ADGRG2: variants seen among roughly 807,000 people sequenced by gnomAD.
The protein encoded by ADGRG2 is G protein-coupled receptor 64.
Under a neutral mutation model 74.1 loss-of-function variants are expected in ADGRG2, and 26 were observed. That is an observed-to-expected ratio of 0.35 (90% confidence interval 0.26 to 0.49). The LOEUF is 0.49. Among genes scored for constraint, ADGRG2 ranks in the 20% least tolerant of loss-of-function variants. The pLI is 0.99. For missense variants in ADGRG2, 619 were observed against 763.1 expected (o/e 0.81, Z 2.22); for synonymous variants, 296 against 295.2 (o/e 1.00, Z -0.03).
chrX:19,090,583 A>G (rs1327747318), intron 1 of ADGRG2, among the ~76,000 whole-genome samples: 1 of 112,437 alleles, frequency 8.9e-6, no homozygotes, highest in Non-Finnish European at 1.9e-5. Context: ...TGCTAATGAC[A>G]TCAAGCCACT....
chrX:19,113,724 C>T (rs1302222353), intron 1 of ADGRG2, among the ~76,000 whole-genome samples: 1 of 111,780 alleles, frequency 8.9e-6, no homozygotes, highest in Non-Finnish European at 1.9e-5. Context: ...GTTCTTTGTA[C>T]TTTTTAAAAA....
Position 18,989,790 on chromosome X carries a change from G to A in ADGRG2, c.*1074C>T, listed in dbSNP as rs930672686. 6 of 112,384 alleles carry A rather than the reference G, an allele frequency of 5.3e-5. No homozygotes were observed. Among genetic ancestry groups the A allele is most frequent in the Non-Finnish European group, 9.4e-5 (5 of 53,200 alleles). The allele number at this position is 112,384 out of a possible 1,213,427, so 9.3% of individuals were successfully genotyped here. ...ATGTACCATGCAGTTGCCTTTTAAA[G>A]AACGGCAATATGATTTTTTTCCATA... On this transcript the variant is annotated 3_prime_UTR_variant, in exon 29 of 29. Transcript: ENST00000379869.
chrX:19,009,619 G>A lies in ADGRG2; in HGVS notation c.1422+7C>T, dbSNP rs889467291. 3.3e-6 allele frequency: 4 copies of A among 1,198,115 alleles called. No homozygotes were observed. In the East Asian group the frequency reaches 1.2e-4, roughly 35 times the overall value. On this transcript the variant is annotated splice_region_variant and intron_variant, in intron 18 of 28. Transcript: ENST00000379869. ...AATGTTTTTTTCTGCCATCAATTAT[G>A]ATGTACCTGAAGATTTGCAGGGTCT...
rs933833164 is a variant in ADGRG2, at chrX:19,010,698, C to G, written c.1180G>C (p.Glu394Gln). The G allele has an allele frequency of 4.2e-6, 5 of 1,201,573 alleles. No homozygotes were observed. Among genetic ancestry groups the G allele is most frequent in the Non-Finnish European group, 5.6e-6 (5 of 888,048 alleles). Residue 394 changes from glutamate to glutamine, a missense_variant, in exon 17 of 29, where the codon GAG becomes CAG. Transcript: ENST00000379869. ...ATCATTTCTCCTGCGAGGTTAGGCT[C>G]CAGGCTGCCCAAGGACAGAGCCTTC... is the stretch of plus-strand genomic sequence containing the variant. ...MEKALSLGSL[E>Q]PNLAGEMINQ... is the part of the protein sequence containing the mutation.
At chrX:19,077,184 T>C (rs963779767) in intron 2 of ADGRG2, among the ~76,000 whole-genome samples, 5 of 108,750 alleles carry the variant, frequency 4.6e-5, no homozygotes, top group African/African-American at 1.0e-4. Flanking sequence ...TTAGGAAAAA[T>C]AGAAAGTAAT....
intron 1 of ADGRG2, among the ~76,000 whole-genome samples, chrX:19,113,080 T>C (rs1343721127): frequency 1.9e-5 from 2 of 103,705 alleles, no homozygotes; most frequent in African/African-American, 7.1e-5. Flanking sequence ...GACAACTAGA[T>C]GCAACAACTC....
chrX:19,104,247 T>C (rs1238512809), intron 1 of ADGRG2, among the ~76,000 whole-genome samples: 2 of 107,806 alleles, frequency 1.9e-5, no homozygotes, highest in Admixed American at 2.0e-4. Context: ...TGGAAGGGAG[T>C]TGGCTGCAGC....
chrX:19,077,337 A>C, intron 2 of ADGRG2, among the ~76,000 whole-genome samples: 1 of 58,972 alleles, frequency 1.7e-5, no homozygotes, highest in African/African-American at 6.7e-5. Context: ...TCTCTACTAA[A>C]AAAAAAAAAA....
chrX:19,019,087 C>T (rs1298863187), intron 15 of ADGRG2, among the ~76,000 whole-genome samples: 5 of 111,990 alleles, frequency 4.5e-5, no homozygotes, highest in South Asian at 3.7e-4. Context: ...CCTCGTGATC[C>T]GCCCACCTTG....
intron 3 of ADGRG2, among the ~76,000 whole-genome samples, chrX:19,066,657 T>A (rs760702761): frequency 9.2e-6 from 1 of 109,094 alleles, no homozygotes; most frequent in African/African-American, 3.3e-5. Flanking sequence ...AGAGACGGGG[T>A]CTCACTATGT....
chrX:19,050,476 G>A (rs751490329), intron 3 of ADGRG2, among the ~76,000 whole-genome samples: 9 of 111,870 alleles, frequency 8.0e-5, no homozygotes, highest in African/African-American at 1.6e-4. Context: ...ACAGGGGCAC[G>A]AAAAGCAATG....
At chrX:19,002,483 G>A (rs768801942) in intron 24 of ADGRG2, among the ~76,000 whole-genome samples, 1 of 111,969 alleles carries the variant, frequency 8.9e-6, no homozygotes, top group Non-Finnish European at 1.9e-5. Flanking sequence ...CTCAGGGACT[G>A]AGAGTTTGGG....
In ADGRG2 at chrX:19,003,051, C is replaced by T; in HGVS notation, c.2025G>A (p.Leu675=). The T allele has an allele frequency of 1.7e-6, 2 of 1,198,895 alleles. No individual in the cohort carries two copies. Among genetic ancestry groups the T allele is most frequent in the Non-Finnish European group, 2.3e-6 (2 of 883,820 alleles). ...LIQLCAALLL[L]NLVFLLDSWI... ...ACGAGTCCAGGAGGAAGACCAGGTTCAGCAGAAGCAGAGCAGCACACAGCT... is the reference window on the plus strand; with the variant it reads ...ACGAGTCCAGGAGGAAGACCAGGTTTAGCAGAAGCAGAGCAGCACACAGCT... Residue 675 remains leucine (L), a synonymous_variant, in exon 24 of 29, where the codon CTG becomes CTA. Transcript: ENST00000379869.
intron 12 of ADGRG2, 74 bp downstream of exon 12, chrX:19,023,835 G>A: frequency 1.4e-6 from 1 of 693,611 alleles, no homozygotes; most frequent in Non-Finnish European, 2.3e-6. Flanking sequence ...TATCTCCCAG[G>A]AATGCAGAAC....
At chrX:19,028,085 A>T in intron 10 of ADGRG2, 98 bp downstream of exon 10, 2 of 532,314 alleles carry the variant, frequency 3.8e-6, no homozygotes, top group Non-Finnish European at 3.2e-6. Context: ...AACAATAAAT[A>T]TACCAAATAT....
intron 28 of ADGRG2, among the ~76,000 whole-genome samples, chrX:18,992,302 G>C (rs1407631045): frequency 2.7e-5 from 3 of 112,257 alleles, no homozygotes; most frequent in Non-Finnish European, 5.6e-5. Flanking sequence ...TTTTTTTGTT[G>C]TTGTTGAGAC....
intron 1 of ADGRG2, among the ~76,000 whole-genome samples, chrX:19,106,508 T>C (rs1035406592): frequency 7.2e-5 from 8 of 110,703 alleles, no homozygotes; most frequent in African/African-American, 2.6e-4. Context: ...TGTGTGTGTG[T>C]GTGTGTTTCG....
At chrX:19,051,715 T>C (rs1173803081) in intron 3 of ADGRG2, among the ~76,000 whole-genome samples, 1 of 111,326 alleles carries the variant, frequency 9.0e-6, no homozygotes, top group Non-Finnish European at 1.9e-5. Flanking sequence ...ACTCAGGCCA[T>C]GTAGAGAGGC....
Position 19,013,753 on chromosome X carries a change from T to A in ADGRG2, c.1032A>T (p.Ser344=). Residue 344 remains serine (S), a synonymous_variant, in exon 16 of 29, where the codon TCA becomes TCT. Transcript: ENST00000379869. ...VSGTPPPVKA[S]FSSPTVSAPA... ...GGGCAGACACGGTGGGAGAGGAAAA[T>A]GAGGCTTTCACAGGAGGTGGGGTGC... 1 of 1,200,141 alleles carries A rather than the reference T, an allele frequency of 8.3e-7. No individual in the cohort carries two copies. Among genetic ancestry groups the A allele is most frequent in the Admixed American group, 2.2e-5 (1 of 44,769 alleles).
Sources: allele counts gnomAD v4.1 joint callset (sites outside exome capture counted in the v4.1 genomes callset), GRCh38; gene constraint gnomAD v4.1.1; transcripts MANE v1.5; gene names NCBI Gene and HGNC (gene_info 2026-07-23, HGNC 2026-07-21).